The following LIN52 variants were observed in gnomAD, a reference collection of about 807,000 sequenced individuals.
LIN52 encodes lin-52 DREAM MuvB core complex component.
LIN52 carries 4 observed loss-of-function variants against 18.5 expected under a neutral mutation model. That is an observed-to-expected ratio of 0.22 (90% CI 0.11 to 0.49). The LOEUF is 0.49. LIN52 is among the 20% of genes least tolerant of loss of function. The pLI is 0.97. For missense variants in LIN52, 102 were observed against 139.5 expected (o/e 0.73, Z 1.35); for synonymous variants, 34 against 45.5 (o/e 0.75, Z 1.02).
At chr14:74,126,726 C>G (rs12887853) in intron 5 of LIN52, among the ~76,000 whole-genome samples, 1 of 152,126 alleles carries the variant, frequency 6.6e-6, no homozygotes, top group East Asian at 1.9e-4. Context: ...TTCCCAGGGC[C>G]TAGAGAAAGT....
chr14:74,184,770 A>G (rs1463091349), intron 5 of LIN52, among the ~76,000 whole-genome samples: 1 of 152,222 alleles, frequency 6.6e-6, no homozygotes, highest in Non-Finnish European at 1.5e-5. Context: ...GAAGTGACTG[A>G]GGACTTTTTT....
At chr14:74,130,278 G>GTTTTTTTTTTTTTTTTTTTT (rs71460958) in intron 5 of LIN52, among the ~76,000 whole-genome samples, 1,440 of 64,634 alleles carry the variant, frequency 0.022, 231 homozygotes, top group Non-Finnish European at 0.024. Flanking sequence ...GCATTTTTTG[G>GTTTTTTTTTTTTTTTTTTTT]TTTTTTTTTT....
intron 5 of LIN52, chr14:74,114,558 T>C: frequency 2.3e-6 from 1 of 426,598 alleles, no homozygotes; most frequent in Non-Finnish European, 3.1e-6. Context: ...GCCTAATTAA[T>C]GACAGGGAAG....
At chr14:74,137,811 TTTA>T (rs1184148475) in intron 5 of LIN52, among the ~76,000 whole-genome samples, 1 of 152,124 alleles carries the variant, frequency 6.6e-6, no homozygotes, top group Non-Finnish European at 1.5e-5. Context: ...CAGTAGCTCT[TTTA>T]ATAAATATTT....
chr14:74,096,936 T>G (rs1365741869), intron 3 of LIN52, among the ~76,000 whole-genome samples: 1 of 152,200 alleles, frequency 6.6e-6, no homozygotes, highest in Non-Finnish European at 1.5e-5. Context: ...CCAGAGCTAT[T>G]CTAAGAATGG....
intron 1 of LIN52, chr14:74,085,559 C>T (rs1164913522): frequency 6.6e-6 from 1 of 152,162 alleles, no homozygotes; most frequent in Non-Finnish European, 1.5e-5. Flanking sequence ...CTGAGAGTCG[C>T]GAGGAGAATC....
chr14:74,189,133 C>T (rs928781131), intron 5 of LIN52, among the ~76,000 whole-genome samples: 1 of 152,192 alleles, frequency 6.6e-6, no homozygotes, highest in African/African-American at 2.4e-5. Context: ...ATTTTGTGTT[C>T]TGATCAAGTC....
At chr14:74,138,087 C>G (rs2061108288) in intron 5 of LIN52, among the ~76,000 whole-genome samples, 1 of 152,208 alleles carries the variant, frequency 6.6e-6, no homozygotes, top group Admixed American at 6.5e-5. Context: ...CTGTCAACAG[C>G]TTCTCATTGT....
chr14:74,128,618 G>A (rs1314512802), intron 5 of LIN52, among the ~76,000 whole-genome samples: 1 of 152,180 alleles, frequency 6.6e-6, no homozygotes, highest in Non-Finnish European at 1.5e-5. Flanking sequence ...ATTATCATAT[G>A]TGAATTATAT....
At chr14:74,169,113 G>T (rs1172741533) in intron 5 of LIN52, among the ~76,000 whole-genome samples, 1 of 152,018 alleles carries the variant, frequency 6.6e-6, no homozygotes, top group Non-Finnish European at 1.5e-5. Flanking sequence ...CTCTTTTTTG[G>T]GCCTTGAAAA....
intron 2 of LIN52, among the ~76,000 whole-genome samples, chr14:74,091,999 A>C (rs1191076411): frequency 1.3e-5 from 2 of 152,020 alleles, no homozygotes; most frequent in African/African-American, 4.8e-5. Flanking sequence ...TTTGAACCAG[A>C]GTCTCTCTCT....
chr14:74,129,135 G>C (rs939889333), intron 5 of LIN52, among the ~76,000 whole-genome samples: 26 of 152,270 alleles, frequency 1.7e-4, no homozygotes, highest in African/African-American at 6.3e-4. Flanking sequence ...ATGGAGTGAG[G>C]AATGAGTGGA....
At chr14:74,158,870 A>T (rs2061212208) in intron 5 of LIN52, among the ~76,000 whole-genome samples, 1 of 152,196 alleles carries the variant, frequency 6.6e-6, no homozygotes, top group Admixed American at 6.5e-5. Context: ...GAATGCTATT[A>T]CTCAAAGCCA....
intron 5 of LIN52, among the ~76,000 whole-genome samples, chr14:74,189,956 GA>G (rs1595192894): frequency 6.6e-6 from 1 of 151,992 alleles, no homozygotes; most frequent in Admixed American, 6.6e-5. Context: ...ATGAATTGAA[GA>G]AAAAAAGTTT....
intron 4 of LIN52, among the ~76,000 whole-genome samples, chr14:74,099,586 T>TTGTGTGTGTGTGTGTG (rs148601338): frequency 2.0e-5 from 3 of 149,348 alleles, no homozygotes; most frequent in Non-Finnish European, 3.0e-5. Flanking sequence ...AGTATTGTCT[T>TTGTGTGTGTGTGTGTG]TGTGTGTGTG....
At chr14:74,177,660 G>A (rs1200386936) in intron 5 of LIN52, among the ~76,000 whole-genome samples, 1 of 152,136 alleles carries the variant, frequency 6.6e-6, no homozygotes, top group Non-Finnish European at 1.5e-5. Context: ...TCTTGAGCTA[G>A]GATGGAAAAG....
chr14:74,117,885 A>G (rs1195700320), intron 5 of LIN52, among the ~76,000 whole-genome samples: 2 of 152,226 alleles, frequency 1.3e-5, no homozygotes, highest in African/African-American at 4.8e-5. Flanking sequence ...TCTAACTGTT[A>G]AGTCTAAACT....
intron 5 of LIN52, among the ~76,000 whole-genome samples, chr14:74,130,000 CA>C (rs2061051516): frequency 6.6e-6 from 1 of 151,964 alleles, no homozygotes; most frequent in South Asian, 2.1e-4. Flanking sequence ...TGGCGGCAGG[CA>C]AAAAGAGAGC....
chr14:74,117,573 T>C (rs2060972654), intron 5 of LIN52, among the ~76,000 whole-genome samples: 1 of 152,194 alleles, frequency 6.6e-6, no homozygotes, highest in Non-Finnish European at 1.5e-5. Flanking sequence ...TCAGTTTCTT[T>C]CCAGGCTTTG....
Sources: gnomAD v4.1 joint callset for allele counts (sites outside exome capture counted in the v4.1 genomes callset) on GRCh38, gnomAD v4.1.1 for gene constraint, MANE v1.5 for transcripts, NCBI Gene and HGNC (gene_info 2026-07-23, HGNC 2026-07-21) for gene names.